NEDD4L: variants seen among roughly 807,000 people sequenced by gnomAD.
The protein encoded by NEDD4L is NEDD4 like E3 ubiquitin protein ligase, also known as E3 ubiquitin-protein ligase NEDD4-like.
In NEDD4L, 54 loss-of-function variants were observed where a neutral mutation model predicts 148.9. That is an observed-to-expected ratio of 0.36 (90% CI 0.29 to 0.45). The LOEUF is 0.45. Ranked by LOEUF, NEDD4L falls within the 20% of genes least tolerant of loss-of-function variation. NEDD4L has a pLI of 1.00. For synonymous variants in NEDD4L, 433 were observed against 440.7 expected (o/e 0.98, Z 0.22); for missense variants, 856 against 1,233.8 (o/e 0.69, Z 4.59).
At chr18:58,299,541 G>A (rs2056174169) in intron 5 of NEDD4L, among the ~76,000 whole-genome samples, 1 of 152,126 alleles carries the variant, frequency 6.6e-6, no homozygotes, top group Admixed American at 6.6e-5. Flanking sequence ...TTTCTATCTG[G>A]AGCTAGTTGC....
chr18:58,208,016 C>T (rs1420893245), intron 2 of NEDD4L, among the ~76,000 whole-genome samples: 1 of 152,102 alleles, frequency 6.6e-6, no homozygotes, highest in East Asian at 1.9e-4. Flanking sequence ...GCACTCCAGC[C>T]TGAGTGACAG....
chr18:58,294,729 A>G (rs2149167514), intron 5 of NEDD4L, among the ~76,000 whole-genome samples: 1 of 151,764 alleles, frequency 6.6e-6, no homozygotes, highest in East Asian at 1.9e-4. Flanking sequence ...TATGTTGCCC[A>G]GGCTGGTCTT....
At chr18:58,330,991 G>C in intron 11 of NEDD4L, 77 bp downstream of exon 11, 1 of 1,436,606 alleles carries the variant, frequency 7.0e-7, no homozygotes, top group Non-Finnish European at 9.6e-7. Flanking sequence ...AATCTCTTAC[G>C]TAAATAGTGA....
intron 1 of NEDD4L, among the ~76,000 whole-genome samples, chr18:58,144,823 A>T (rs1568279971): frequency 1.3e-5 from 2 of 152,338 alleles, no homozygotes; most frequent in East Asian, 3.9e-4. Flanking sequence ...TGCTATGTCC[A>T]CAGCACCTGG....
chr18:58,107,339 C>T lies in NEDD4L; in HGVS notation c.49-58449C>T, dbSNP rs145296371. ...AGTAATCAAACACAGGGATTGAATA[C>T]GCAGATATTAAGGATTGGAATGAAG... On this transcript the variant is annotated intron_variant, in intron 1 of 30. Coordinates refer to ENST00000400345, the MANE Select transcript of NEDD4L (RefSeq NM_001144967.3). Among the ~76,000 whole-genome samples, 637 of 152,222 alleles carry T rather than the reference C, an allele frequency of 4.2e-3. 1 individual carries two copies. Among genetic ancestry groups the T allele is most frequent in the African/African-American group, 0.014 (580 of 41,514 alleles).
chr18:58,178,874 C>T (rs1039844590), intron 2 of NEDD4L, among the ~76,000 whole-genome samples: 9 of 152,244 alleles, frequency 5.9e-5, no homozygotes, highest in South Asian at 4.2e-4. Flanking sequence ...TAAAACTAGG[C>T]GTTCATGGTA....
intron 5 of NEDD4L, among the ~76,000 whole-genome samples, chr18:58,279,002 G>A (rs2052585798): frequency 6.6e-6 from 1 of 151,936 alleles, no homozygotes; most frequent in African/African-American, 2.4e-5. Context: ...CTCCCAAGTA[G>A]CCGGGATTAT....
At position 58,208,714 on chromosome 18, in the gene NEDD4L, G is replaced by A. The variant is rs182945977; in HGVS notation, c.123-36713G>A. On this transcript the variant is annotated intron_variant, in intron 2 of 30. Transcript: ENST00000400345. ...TGTCTGAAGCTATTGCATAGACAAG[G>A]TCACTTTTTAAAAGGGTACATTTCT... 2.3e-3 allele frequency among the ~76,000 whole-genome samples: 356 copies of A among 152,324 alleles called. 3 individuals are homozygous for A. Among genetic ancestry groups the A allele is most frequent in the African/African-American group, 8.3e-3 (344 of 41,572 alleles).
chr18:58,192,071 T>G (rs536515882), intron 2 of NEDD4L, among the ~76,000 whole-genome samples: 1 of 152,222 alleles, frequency 6.6e-6, no homozygotes, highest in Admixed American at 6.5e-5. Context: ...CTCGGGAGGC[T>G]GAGGTGGGAG....
At chr18:58,082,100 ATAT>A (rs1426087332) in intron 1 of NEDD4L, among the ~76,000 whole-genome samples, 3 of 72,308 alleles carry the variant, frequency 4.1e-5, no homozygotes, top group Non-Finnish European at 7.2e-5. Flanking sequence ...ATATATATAT[ATAT>A]TTTTTTTTTT....
intron 15 of NEDD4L, 26 bp downstream of exon 15, chr18:58,341,823 GACTC>G (rs777476870): frequency 1.2e-6 from 2 of 1,604,250 alleles, no homozygotes; most frequent in African/African-American, 2.7e-5. Context: ...CATCTAACTG[GACTC>G]ACTCTGTCCT....
chr18:58,094,994 A>C (rs1185260657), intron 1 of NEDD4L, among the ~76,000 whole-genome samples: 1 of 151,952 alleles, frequency 6.6e-6, no homozygotes, highest in Non-Finnish European at 1.5e-5. Flanking sequence ...CTCACCACAG[A>C]GTTGCTGACA....
At chr18:58,195,715 T>C (rs1221746002) in intron 2 of NEDD4L, 2 of 1,352,016 alleles carry the variant, frequency 1.5e-6, no homozygotes, top group South Asian at 1.1e-5. Context: ...TCAGACGAGC[T>C]CTTCCTGCCT....
At chr18:58,315,363 G>C (rs1002630558) in intron 5 of NEDD4L, among the ~76,000 whole-genome samples, 1 of 152,034 alleles carries the variant, frequency 6.6e-6, no homozygotes, top group Non-Finnish European at 1.5e-5. Context: ...AGTCGGGAGA[G>C]ATACGTGCAG....
chr18:58,318,232 C>A (rs549666631), intron 6 of NEDD4L, among the ~76,000 whole-genome samples: 13 of 152,276 alleles, frequency 8.5e-5, no homozygotes, highest in African/African-American at 2.9e-4. Flanking sequence ...TCTGTAGATT[C>A]AAAATTTGTC....
At chr18:58,339,595 G>A (rs1180009381) in intron 13 of NEDD4L, among the ~76,000 whole-genome samples, 2 of 152,054 alleles carry the variant, frequency 1.3e-5, no homozygotes, top group East Asian at 1.9e-4. Flanking sequence ...ACTTTATCTC[G>A]GGAAATATTA....
At chr18:58,063,388 C>T (rs1413195258) in intron 1 of NEDD4L, among the ~76,000 whole-genome samples, 1 of 152,028 alleles carries the variant, frequency 6.6e-6, no homozygotes, top group Non-Finnish European at 1.5e-5. Flanking sequence ...ACCTTCTAAA[C>T]TCAGCCCAAT....
intron 5 of NEDD4L, among the ~76,000 whole-genome samples, chr18:58,279,756 A>G (rs773510880): frequency 6.6e-6 from 1 of 152,228 alleles, no homozygotes; most frequent in Non-Finnish European, 1.5e-5. Flanking sequence ...TTATGCTCTA[A>G]ATCAGGAGTG....
Position 58,349,526 on chromosome 18 carries a change from T to G in NEDD4L, c.1576-11T>G. Reference sequence around the variant, plus strand: ...ACTTAGCATCTACTGTCTTTTACATTTTTCTTGCAGGAAGATCCACGTTTG... The same window carrying G: ...ACTTAGCATCTACTGTCTTTTACATGTTTCTTGCAGGAAGATCCACGTTTG... On this transcript the variant is annotated splice_polypyrimidine_tract_variant and intron_variant, in intron 16 of 30. Transcript: ENST00000400345. 1 of 1,611,746 alleles carries G rather than the reference T, an allele frequency of 6.2e-7. No individual in the cohort carries two copies. Among genetic ancestry groups the G allele is most frequent in the Non-Finnish European group, 8.5e-7 (1 of 1,177,838 alleles).
Sources: allele counts gnomAD v4.1 joint callset (sites outside exome capture counted in the v4.1 genomes callset), GRCh38; gene constraint gnomAD v4.1.1; transcripts MANE v1.5; gene names NCBI Gene and HGNC (gene_info 2026-07-23, HGNC 2026-07-21).